Variants in ARHGEF12 observed in about 807,000 individuals in gnomAD.
ARHGEF12 encodes the protein Rho guanine nucleotide exchange factor 12.
In ARHGEF12, 66 loss-of-function variants were observed where a neutral mutation model predicts 211.2. The ratio of observed to expected loss-of-function variants is 0.31; its 90% CI spans 0.26 to 0.38. The LOEUF is 0.38. ARHGEF12 is among the 10% of genes least tolerant of loss of function. ARHGEF12 has a pLI of 1.00. For missense variants in ARHGEF12, 1,429 were observed against 1,869.5 expected (o/e 0.76, Z 4.34); for synonymous variants, 592 against 638.4 (o/e 0.93, Z 1.09).
chr11:120,446,518 G>T lies in ARHGEF12; in HGVS notation c.1451+10G>T. On this transcript the variant is annotated intron_variant, in intron 17 of 40. Transcript: ENST00000397843. The stretch of plus-strand genomic sequence containing the variant: ...ACTTAGAAGATTTTCGGTAAGCTTA[G>T]TGGTAGATAGAATTTCATATGATTA... 6.3e-7 allele frequency: 1 copy of T among 1,576,488 alleles called. No individual in the cohort carries two copies. The highest frequency in any genetic ancestry group is 8.6e-7 in the Non-Finnish European group (1 of 1,159,502).
rs1321578880 is a variant in ARHGEF12, at chr11:120,489,889, T to TA, written c.*4813dup. 1.6e-5 allele frequency: 3 copies of TA among 182,550 alleles called. No homozygotes were observed. In the Admixed American group the frequency reaches 1.9e-4, roughly 11 times the overall value. The allele number at this position is 182,550 out of a possible 1,614,324, so 11.3% of individuals were successfully genotyped here. On this transcript the variant is annotated 3_prime_UTR_variant, in exon 41 of 41. Coordinates refer to ENST00000397843, the MANE Select transcript of ARHGEF12 (RefSeq NM_015313.3). ...TGTACCATTCCCACTTGCTCTTTGATAGCCACCTCCTAGGAATGGAGACAA... is the reference window on the plus strand; with the variant it reads ...TGTACCATTCCCACTTGCTCTTTGATAAGCCACCTCCTAGGAATGGAGACAA...
chr11:120,357,021 T>TTTTTG (rs1555092654), intron 1 of ARHGEF12, among the ~76,000 whole-genome samples: 15 of 152,066 alleles, frequency 9.9e-5, no homozygotes, highest in Non-Finnish European at 1.8e-4. Context: ...ACTGTTTTTT[T>TTTTTG]TTTTGTTTTG....
Position 120,407,772 on chromosome 11 carries a change from G to A in ARHGEF12, c.91G>A (p.Asp31Asn). The change falls in exon 3 of 41, where the codon GAT (aspartate) becomes AAT (asparagine). Residue 31 changes from aspartate (D) to asparagine (N), a missense_variant. Asp to Asn is a conservative substitution (Grantham distance 23, BLOSUM62 1). This residue lies in a region of ARHGEF12 where 41 missense variants were observed against 48.6 expected (regional missense o/e 0.84). Transcript: ENST00000397843. ...GSILNRESPT[D>N]KKQKVERIAS... ...TATTTTGAACCGAGAGTCACCAACAGATAAGAAGCAGAAAGTTGAGCGCAT... is the reference window on the plus strand; with the variant it reads ...TATTTTGAACCGAGAGTCACCAACAAATAAGAAGCAGAAAGTTGAGCGCAT... The A allele has an allele frequency of 6.2e-7, 1 of 1,613,536 alleles. No individual in the cohort carries two copies. Among genetic ancestry groups the A allele is most frequent in the Admixed American group, 1.7e-5 (1 of 60,002 alleles).
intron 16 of ARHGEF12, 93 bp from the exon 17 acceptor site, chr11:120,446,309 TA>T: frequency 1.2e-6 from 1 of 822,440 alleles, no homozygotes; most frequent in Non-Finnish European, 1.8e-6. Flanking sequence ...TGGCATATTC[TA>T]AGTTAATTTG....
chr11:120,476,633 T>C, intron 33 of ARHGEF12, 28 bp from the exon 34 acceptor site: 1 of 1,586,794 alleles, frequency 6.3e-7, no homozygotes, highest in Non-Finnish European at 8.6e-7. Flanking sequence ...GTCATAGTAT[T>C]AGAGTAATCT....
rs569724241 is a variant in ARHGEF12 at position 120,456,915 on chromosome 11, A to G, written c.2057-203A>G. 20 of 488,614 alleles carry G rather than the reference A, an allele frequency of 4.1e-5. No homozygotes were observed. In the East Asian group the frequency reaches 6.4e-4, roughly 16 times the overall value. The allele number at this position is 488,614 out of a possible 1,614,324, so 30.3% of individuals were successfully genotyped here. ...TGGAAGGCTGAGATGGAAGGATCAT[A>G]TGAGGCTGAGATGGGAGGATCATGT... On this transcript the variant is annotated intron_variant, in intron 22 of 40. Transcript: ENST00000397843.
chr11:120,340,851 C>T (rs1367131130), intron 1 of ARHGEF12, among the ~76,000 whole-genome samples: 2 of 152,188 alleles, frequency 1.3e-5, no homozygotes, highest in Admixed American at 6.5e-5. Flanking sequence ...TACAGTTTTA[C>T]ATGAGTCAAC....
rs181820747 is a variant in ARHGEF12, at chr11:120,337,010, G to A, written c.-234G>A. Reference sequence around the variant, plus strand: ...TTTCTCTCTAGCTCGACTCACTCTGGACTGACTCGCTCCCTGGCTTTCTCA... The same window carrying A: ...TTTCTCTCTAGCTCGACTCACTCTGAACTGACTCGCTCCCTGGCTTTCTCA... On this transcript the variant is annotated 5_prime_UTR_variant, in exon 1 of 41. Coordinates refer to ENST00000397843, the MANE Select transcript of ARHGEF12 (RefSeq NM_015313.3). 18 of 600,628 alleles carry A rather than the reference G, an allele frequency of 3.0e-5. No individual in the cohort carries two copies. In the African/African-American group the frequency reaches 3.2e-4, roughly 11 times the overall value. The allele number at this position is 600,628 out of a possible 1,614,324, so 37.2% of individuals were successfully genotyped here. A position where few individuals can be genotyped will look rare whatever the true frequency, so the allele number is the denominator to read the frequency against.
chr11:120,421,709 T>C, intron 5 of ARHGEF12, 94 bp from the exon 6 acceptor site: 1 of 1,192,728 alleles, frequency 8.4e-7, no homozygotes, highest in Non-Finnish European at 1.2e-6. Flanking sequence ...GGACAGCCCA[T>C]GTTTTTAACC....
At chr11:120,453,409 G>A (rs1946269632) in intron 22 of ARHGEF12, among the ~76,000 whole-genome samples, 1 of 152,112 alleles carries the variant, frequency 6.6e-6, no homozygotes, top group African/African-American at 2.4e-5. Context: ...AAATACTTGG[G>A]AGATTGAAAG....
At chr11:120,344,995 A>G (rs976386845) in intron 1 of ARHGEF12, among the ~76,000 whole-genome samples, 49 of 152,240 alleles carry the variant, frequency 3.2e-4, no homozygotes, top group African/African-American at 1.1e-3. Flanking sequence ...ATTTTACCCT[A>G]GAAGAGTTTC....
intron 11 of ARHGEF12, among the ~76,000 whole-genome samples, chr11:120,436,882 G>A (rs905805710): frequency 1.3e-5 from 2 of 152,090 alleles, no homozygotes; most frequent in Non-Finnish European, 2.9e-5. Flanking sequence ...CACATGAAGC[G>A]AGTAACAGAA....
rs1002911306 is a variant in ARHGEF12 at position 120,481,509 on chromosome 11, G to A, written c.4487G>A (p.Cys1496Tyr). 1 of 1,614,098 alleles carries A rather than the reference G, an allele frequency of 6.2e-7. No individual in the cohort carries two copies. Among genetic ancestry groups the A allele is most frequent in the Non-Finnish European group, 8.5e-7 (1 of 1,180,042 alleles). Residue 1496 changes from cysteine (C) to tyrosine (Y), a missense_variant, in exon 39 of 41, where the codon TGT becomes TAT. Around this residue, in one of 7 missense-constraint regions of ARHGEF12, gnomAD observed 467 missense variants for 468.4 expected, o/e 1.00. Coordinates refer to ENST00000397843, the MANE Select transcript of ARHGEF12 (RefSeq NM_015313.3). ...SCFEIQSPSS[C>Y]ADSQSQIMEY... ...TTTGAGATCCAGAGTCCCTCCTCTT[G>A]TGCAGATTCACAGAGCCAGATCATG...
At chr11:120,434,276 C>A (rs1945632563) in intron 11 of ARHGEF12, among the ~76,000 whole-genome samples, 1 of 152,146 alleles carries the variant, frequency 6.6e-6, no homozygotes, top group South Asian at 2.1e-4. Flanking sequence ...CAATGCTTTA[C>A]AGATACTCTT....
chr11:120,479,017 T>C (rs928805602), intron 37 of ARHGEF12, among the ~76,000 whole-genome samples: 2 of 152,240 alleles, frequency 1.3e-5, no homozygotes, highest in Non-Finnish European at 2.9e-5. Flanking sequence ...CATTGTACTT[T>C]CTTTTTTCTT....
chr11:120,442,463 TAC>T (rs3074753), intron 15 of ARHGEF12, among the ~76,000 whole-genome samples: 28,746 of 145,650 alleles, frequency 0.2, 3,036 homozygotes, highest in Non-Finnish European at 0.23. Context: ...CACATATATA[TAC>T]ACACACACAC....
At chr11:120,431,221 C>T (rs1397346231) in intron 10 of ARHGEF12, among the ~76,000 whole-genome samples, 2 of 151,806 alleles carry the variant, frequency 1.3e-5, no homozygotes, top group South Asian at 2.1e-4. Flanking sequence ...ACCATGGAGG[C>T]GGAGGTTACA....
intron 23 of ARHGEF12, 80 bp downstream of exon 23, chr11:120,457,330 A>T (rs1301146925): frequency 4.0e-6 from 6 of 1,506,620 alleles, no homozygotes; most frequent in African/African-American, 1.4e-5. Flanking sequence ...ACTTAGTAGC[A>T]TTCTAGCACT....
chr11:120,375,245 A>C (rs1279431302), intron 1 of ARHGEF12, among the ~76,000 whole-genome samples: 1 of 152,202 alleles, frequency 6.6e-6, no homozygotes, highest in Non-Finnish European at 1.5e-5. Context: ...AAACTTAAAC[A>C]GCAAACACCA....
Sources: allele counts gnomAD v4.1 joint callset (sites outside exome capture counted in the v4.1 genomes callset), GRCh38; gene constraint gnomAD v4.1.1; regional missense constraint gnomAD v4.1.1; transcripts MANE v1.5; gene names NCBI Gene and HGNC (gene_info 2026-07-23, HGNC 2026-07-21).